Variants in ZC3H14 observed in about 807,000 individuals in gnomAD.
ZC3H14 encodes zinc finger CCCH-type containing 14.
A neutral mutation model predicts 92.4 loss-of-function variants in ZC3H14; 31 were observed. That is an observed-to-expected ratio of 0.34 (90% CI 0.25 to 0.45). The LOEUF (loss-of-function observed/expected upper bound fraction) is 0.45. Among genes scored for constraint, ZC3H14 ranks in the 20% least tolerant of loss-of-function variants. ZC3H14 has a pLI of 1.00. For missense variants in ZC3H14, 781 were observed against 897.3 expected (o/e 0.87, Z 1.66); for synonymous variants, 321 against 300.9 (o/e 1.07, Z -0.69).
At chr14:88,586,001 C>G (rs557831125) in intron 9 of ZC3H14, among the ~76,000 whole-genome samples, 1 of 152,116 alleles carries the variant, frequency 6.6e-6, no homozygotes, top group African/African-American at 2.4e-5. Context: ...AACCCTGTCT[C>G]TACTAAAAAT....
intron 9 of ZC3H14, chr14:88,594,936 AAATGTT>A (rs1315248466): frequency 8.1e-6 from 13 of 1,613,998 alleles, no homozygotes; most frequent in Non-Finnish European, 9.3e-6. Flanking sequence ...TTTTTGATCT[AAATGTT>A]AGAGTGTCCA....
rs528566650 is a variant in ZC3H14 at position 88,626,855 on chromosome 14, C to T, written c.*15104C>T. 2.0e-5 allele frequency: 33 copies of T among 1,613,836 alleles called. No individual in the cohort carries two copies. The highest frequency in any genetic ancestry group is 2.4e-5 in the Non-Finnish European group (28 of 1,179,828). On this transcript the variant is annotated 3_prime_UTR_variant, in exon 17 of 17. Coordinates refer to ENST00000251038, the MANE Select transcript of ZC3H14 (RefSeq NM_024824.5). ...AGACATACTGCACCAAATGCAATAG[C>T]GAGCATGGTCTGCATCCGGGCATCT...
chr14:88,566,402 C>T (rs1380638307), intron 2 of ZC3H14, among the ~76,000 whole-genome samples: 1 of 152,040 alleles, frequency 6.6e-6, no homozygotes, highest in Non-Finnish European at 1.5e-5. Flanking sequence ...GTACTTACCA[C>T]CATTTGCTGG....
At chr14:88,600,189 C>T (rs1326910199) in intron 10 of ZC3H14, among the ~76,000 whole-genome samples, 1 of 152,332 alleles carries the variant, frequency 6.6e-6, no homozygotes, top group Middle Eastern at 3.4e-3. Flanking sequence ...TTCCGCCTGT[C>T]TCCCTTTACC....
chr14:88,568,919 G>A (rs1244715957), intron 3 of ZC3H14, among the ~76,000 whole-genome samples: 5 of 151,886 alleles, frequency 3.3e-5, no homozygotes, highest in Non-Finnish European at 4.4e-5. Flanking sequence ...GTCTTGCTCT[G>A]TCACCAGGCT....
chr14:88,580,684 T>G (rs2081807770), intron 9 of ZC3H14, among the ~76,000 whole-genome samples: 1 of 152,152 alleles, frequency 6.6e-6, no homozygotes, highest in South Asian at 2.1e-4. Context: ...AAGAAAACTT[T>G]CATGAAGTGA....
At chr14:88,596,906 GCCCTA>G in intron 10 of ZC3H14, 98 bp downstream of exon 10, 3 of 974,544 alleles carry the variant, frequency 3.1e-6, no homozygotes, top group Non-Finnish European at 4.9e-6. Flanking sequence ...CTTAGATCCT[GCCCTA>G]AGATGTTATA....
chr14:88,604,999 G>A (rs1043061614), intron 12 of ZC3H14, among the ~76,000 whole-genome samples: 8 of 152,244 alleles, frequency 5.3e-5, no homozygotes, highest in South Asian at 4.2e-4. Context: ...CATGACCTTC[G>A]TATGACTTAA....
At chr14:88,609,602 C>A in intron 14 of ZC3H14, 110 bp from the exon 15 acceptor site, 8 of 1,402,500 alleles carry the variant, frequency 5.7e-6, no homozygotes, top group Non-Finnish European at 8.0e-6. Context: ...ATAAACCTTA[C>A]CATTCTAATT....
intron 10 of ZC3H14, 40 bp downstream of exon 10, chr14:88,596,848 C>T (rs1264677489): frequency 1.3e-6 from 2 of 1,554,288 alleles, no homozygotes; most frequent in Non-Finnish European, 1.8e-6. Flanking sequence ...CCAGCCATTT[C>T]AGTTGCCATT....
chr14:88,625,063 C>T lies in ZC3H14; in HGVS notation c.*13312C>T, dbSNP rs1306568901. Reference sequence around the variant, plus strand: ...GTTGTGAGCTCTCGCCACGATTCTACACAATATGTGATCTTTCCACACACA... The same window carrying T: ...GTTGTGAGCTCTCGCCACGATTCTATACAATATGTGATCTTTCCACACACA... On this transcript the variant is annotated 3_prime_UTR_variant, in exon 17 of 17. Coordinates refer to ENST00000251038, the MANE Select transcript of ZC3H14 (RefSeq NM_024824.5). The T allele has an allele frequency of 6.2e-7, 1 of 1,613,904 alleles. No homozygotes were observed. The highest frequency in any genetic ancestry group is 2.2e-5 in the East Asian group (1 of 44,884).
At chr14:88,611,060 G>A in intron 16 of ZC3H14, 120 bp downstream of exon 16, 1 of 1,014,272 alleles carries the variant, frequency 9.9e-7, no homozygotes, top group Non-Finnish European at 1.5e-6. Context: ...TTTTTTCTTT[G>A]CTGTTTAATT....
chr14:88,564,392 G>A (rs899670442), intron 2 of ZC3H14, among the ~76,000 whole-genome samples: 45 of 152,260 alleles, frequency 3.0e-4, no homozygotes, highest in Non-Finnish European at 4.6e-4. Flanking sequence ...GAAGGTAAGT[G>A]GCAGTATCTT....
intron 9 of ZC3H14, among the ~76,000 whole-genome samples, chr14:88,579,883 A>G (rs1019459091): frequency 6.6e-6 from 1 of 152,238 alleles, no homozygotes; most frequent in Non-Finnish European, 1.5e-5. Flanking sequence ...CATTATTTAA[A>G]TAATACAAGA....
chr14:88,603,126 A>G, intron 12 of ZC3H14, 66 bp downstream of exon 12: 1 of 1,474,486 alleles, frequency 6.8e-7, no homozygotes. Context: ...TTGTTTCTCT[A>G]CCTTGAATGA....
chr14:88,580,226 G>C (rs112472674), intron 9 of ZC3H14, among the ~76,000 whole-genome samples: 1,578 of 152,218 alleles, frequency 0.01, 18 homozygotes, highest in African/African-American at 0.034. Context: ...GATTGCTGGA[G>C]CCCAGGAGGC....
chr14:88,574,893 T>G (rs780979770), intron 7 of ZC3H14, 40 bp downstream of exon 7: 1 of 1,613,316 alleles, frequency 6.2e-7, no homozygotes, highest in African/African-American at 1.3e-5. Context: ...TTAACTGCCT[T>G]GGTGGAGTCT....
In ZC3H14 at chr14:88,572,188, T is replaced by C. The variant is rs2080506599; in HGVS notation, c.394T>C (p.Ser132Pro). 3 of 1,614,100 alleles carry C rather than the reference T, an allele frequency of 1.9e-6. No homozygotes were observed. The highest frequency in any genetic ancestry group is 2.2e-5 in the East Asian group (1 of 44,870). Reference protein sequence around the residue: ...ARPEKRDSRVSTSSQESKTTN... With the variant: ...ARPEKRDSRVPTSSQESKTTN... ...ACCTGAAAAAAGAGATTCCAGAGTT[T>C]CTACAAGTTCGCAGGAGTCAAAAAC... The change falls in exon 5 of 17, where the codon TCT becomes CCT. Residue 132 changes from serine (S) to proline (P), a missense_variant. By Grantham distance (74) the Ser-to-Pro change is moderately conservative (BLOSUM62 -1). Around this residue, in one of 3 missense-constraint regions of ZC3H14, gnomAD observed 454 missense variants for 438.5 expected, o/e 1.04. Transcript: ENST00000251038.
At chr14:88,577,910 A>G in intron 8 of ZC3H14, 75 bp from the exon 9 acceptor site, 1 of 1,579,114 alleles carries the variant, frequency 6.3e-7, no homozygotes, top group Non-Finnish European at 8.7e-7. Flanking sequence ...TTTATATTTA[A>G]TATGACATAG....
Sources: gnomAD v4.1 joint callset for allele counts (sites outside exome capture counted in the v4.1 genomes callset) on GRCh38, gnomAD v4.1.1 for gene constraint, gnomAD v4.1.1 regional missense constraint, MANE v1.5 for transcripts, NCBI Gene and HGNC (gene_info 2026-07-23, HGNC 2026-07-21) for gene names.